The following NEK1 variants were observed in gnomAD, a reference collection of about 807,000 sequenced individuals.
NEK1 encodes the protein serine/threonine-protein kinase Nek1.
NEK1 carries 137 observed loss-of-function variants against 182.1 expected under a neutral mutation model. The observed-to-expected ratio is 0.75, with a 90% CI of 0.65 to 0.87. The LOEUF is 0.87. NEK1 is among the 40% of genes least tolerant of loss of function. The pLI is 0.00. For missense variants in NEK1, 1,391 were observed against 1,494.4 expected (o/e 0.93, Z 1.14); for synonymous variants, 513 against 492.2 (o/e 1.04, Z -0.56).
chr4:169,496,704 G>A (rs1192723277), intron 23 of NEK1, among the ~76,000 whole-genome samples: 6 of 143,740 alleles, frequency 4.2e-5, no homozygotes, highest in Admixed American at 6.9e-5. Context: ...GCTGGATTAC[G>A]TTTATTGATT....
At chr4:169,578,332 A>T (rs1766045419) in intron 11 of NEK1, among the ~76,000 whole-genome samples, 1 of 152,008 alleles carries the variant, frequency 6.6e-6, no homozygotes, top group African/African-American at 2.4e-5. Flanking sequence ...CTCTGCTCAA[A>T]CTCCCCTAAA....
intron 23 of NEK1, among the ~76,000 whole-genome samples, chr4:169,505,298 C>T (rs1395385163): frequency 6.6e-6 from 1 of 151,912 alleles, no homozygotes; most frequent in Non-Finnish European, 1.5e-5. Context: ...CCTCTGCCAC[C>T]CGAGACAGCA....
At chr4:169,457,485 G>A (rs941358865) in intron 27 of NEK1, among the ~76,000 whole-genome samples, 2 of 151,606 alleles carry the variant, frequency 1.3e-5, no homozygotes, top group Admixed American at 6.6e-5. Context: ...CGGTATGGTG[G>A]CACATGCCTA....
rs72691060 is a variant in NEK1 at position 169,442,436 on chromosome 4, G to A, written c.2588-4177C>T. Among the ~76,000 whole-genome samples, 607 of 151,858 alleles carry A rather than the reference G, an allele frequency of 4.0e-3. 5 individuals are homozygous for A. Among genetic ancestry groups the A allele is most frequent in the South Asian group, 0.03 (143 of 4,774 alleles). On this transcript the variant is annotated intron_variant, in intron 27 of 35. Coordinates refer to ENST00000507142, the MANE Select transcript of NEK1 (RefSeq NM_001199397.3). ...CAACCAACACTATGGATACATATAC[G>A]GGAAAAAGTCTTTGCCTACGAAAGT...
Position 169,406,578 on chromosome 4 carries a change from T to G in NEK1, c.3374+18A>C. On this transcript the variant is annotated intron_variant, in intron 32 of 35. Transcript: ENST00000507142. ...CAGAAAATCTTTTAATGCTGTTTACTAATGACATTATACTTACATGTCTTC... is the reference window on the plus strand; with the variant it reads ...CAGAAAATCTTTTAATGCTGTTTACGAATGACATTATACTTACATGTCTTC... 1 of 1,545,448 alleles carries G rather than the reference T, an allele frequency of 6.5e-7. No homozygotes were observed. Among genetic ancestry groups the G allele is most frequent in the Non-Finnish European group, 8.7e-7 (1 of 1,146,464 alleles).
intron 23 of NEK1, among the ~76,000 whole-genome samples, chr4:169,495,295 G>C (rs2149632037): frequency 6.9e-6 from 1 of 145,660 alleles, no homozygotes; most frequent in Admixed American, 7.0e-5. Context: ...CCAGGCTGGA[G>C]TGCAGTGGCG....
At chr4:169,495,116 T>C (rs1750930456) in intron 23 of NEK1, among the ~76,000 whole-genome samples, 1 of 152,140 alleles carries the variant, frequency 6.6e-6, no homozygotes, top group Non-Finnish European at 1.5e-5. Flanking sequence ...TTGTCAATTT[T>C]GGCTTTTGTT....
At position 169,424,758 on chromosome 4, in the gene NEK1, T is replaced by A. The variant is rs751192051; in HGVS notation, c.3017A>T (p.Asp1006Val). 3.1e-6 allele frequency: 5 copies of A among 1,613,480 alleles called. No homozygotes were observed. The African/African-American group carries it at 5.3e-5, about 17-fold the overall frequency. ...NDSQHSKCDVDKSVQPEPFFH... is the reference protein window; with the variant it reads ...NDSQHSKCDVVKSVQPEPFFH... Reference sequence around the variant, plus strand: ...AAATGGTTCCGGTTGCACAGACTTATCTACATCACATTTAGAGTGCTGAGA... The same window carrying A: ...AAATGGTTCCGGTTGCACAGACTTAACTACATCACATTTAGAGTGCTGAGA... The change falls in exon 31 of 36, where the codon GAT (aspartate) becomes GTT (valine). Residue 1006 changes from aspartate to valine, a missense_variant. By Grantham distance (152) the Asp-to-Val change is radical (BLOSUM62 -3). Transcript: ENST00000507142.
At chr4:169,420,458 A>G (rs1363876271) in intron 31 of NEK1, among the ~76,000 whole-genome samples, 5 of 152,220 alleles carry the variant, frequency 3.3e-5, no homozygotes, top group African/African-American at 1.2e-4. Flanking sequence ...CTTTTATAGG[A>G]CTAGCAGTGT....
intron 12 of NEK1, among the ~76,000 whole-genome samples, chr4:169,564,984 T>G (rs1313470006): frequency 6.6e-6 from 1 of 152,172 alleles, no homozygotes; most frequent in Non-Finnish European, 1.5e-5. Flanking sequence ...GCATTTACTC[T>G]CTGACAAAAT....
chr4:169,604,524 C>A (rs1324550846), intron 2 of NEK1, among the ~76,000 whole-genome samples: 2 of 152,196 alleles, frequency 1.3e-5, no homozygotes, highest in East Asian at 1.9e-4. Context: ...ATGTGTGATT[C>A]CTTTCTAGGA....
At chr4:169,537,737 A>C in intron 19 of NEK1, 72 bp downstream of exon 19, 1 of 1,135,700 alleles carries the variant, frequency 8.8e-7, no homozygotes, top group Non-Finnish European at 1.3e-6. Context: ...TTTTACTTAC[A>C]CTTACCTTAT....
At chr4:169,508,360 T>C (rs369940255) in intron 20 of NEK1, 29 bp from the exon 21 acceptor site, 113 of 1,513,366 alleles carry the variant, frequency 7.5e-5, no homozygotes, top group Non-Finnish European at 9.6e-5. Context: ...CCCAACATAA[T>C]AATGTAAAAG....
chr4:169,544,040 G>A (rs148033222), intron 18 of NEK1, among the ~76,000 whole-genome samples: 7,692 of 152,258 alleles, frequency 0.051, 255 homozygotes, highest in Non-Finnish European at 0.08. Flanking sequence ...AGTGGTGAGA[G>A]AGGGTATCCT....
At chr4:169,560,650 T>C (rs146263638) in intron 16 of NEK1, among the ~76,000 whole-genome samples, 12 of 152,020 alleles carry the variant, frequency 7.9e-5, no homozygotes, top group Admixed American at 5.2e-4. Context: ...CAACTACAAA[T>C]AGAGATATGT....
chr4:169,416,533 C>A (rs1342327427), intron 31 of NEK1, among the ~76,000 whole-genome samples: 1 of 152,186 alleles, frequency 6.6e-6, no homozygotes, highest in African/African-American at 2.4e-5. Context: ...CTTTGGTGTA[C>A]TGGTTAACAA....
chr4:169,469,081 A>ATT (rs962196143), intron 26 of NEK1, among the ~76,000 whole-genome samples: 1 of 150,918 alleles, frequency 6.6e-6, no homozygotes, highest in Non-Finnish European at 1.5e-5. Context: ...GGATTCACTG[A>ATT]TTTTTTTTTG....
At chr4:169,546,059 C>G (rs1413387772) in intron 18 of NEK1, among the ~76,000 whole-genome samples, 1 of 152,182 alleles carries the variant, frequency 6.6e-6, no homozygotes, top group Non-Finnish European at 1.5e-5. Flanking sequence ...TTCTCTGATT[C>G]TTCTAATTGT....
chr4:169,449,993 T>C (rs749757502), intron 27 of NEK1, among the ~76,000 whole-genome samples: 2 of 152,218 alleles, frequency 1.3e-5, no homozygotes, highest in African/African-American at 2.4e-5. Flanking sequence ...AATGACCTGA[T>C]GGAGCTGAAA....
Sources: allele counts gnomAD v4.1 joint callset (sites outside exome capture counted in the v4.1 genomes callset), GRCh38; gene constraint gnomAD v4.1.1; transcripts MANE v1.5; gene names NCBI Gene and HGNC (gene_info 2026-07-23, HGNC 2026-07-21).